The following HTR2C variants were observed in gnomAD, a reference collection of about 807,000 sequenced individuals.
HTR2C encodes the protein 5-hydroxytryptamine receptor 2C.
HTR2C carries 5 observed loss-of-function variants against 21.0 expected under a neutral mutation model. That is an observed-to-expected ratio of 0.24 (90% CI 0.12 to 0.50). The LOEUF is 0.50. Ranked by LOEUF, HTR2C falls within the 20% of genes least tolerant of loss-of-function variation. The probability of loss-of-function intolerance (pLI) is 0.98; values close to 1 mark genes in which losing one functional copy is unlikely to be tolerated. For synonymous variants in HTR2C, 150 were observed against 145.3 expected, an observed-to-expected ratio of 1.03 and a Z score of -0.23; for missense variants, 271 against 371.2, an observed-to-expected ratio of 0.73 and a Z score of 2.22.
chrX:114,807,696 C>T (rs983086451), intron 4 of HTR2C, among the ~76,000 whole-genome samples: 17 of 105,250 alleles, frequency 1.6e-4, no homozygotes, highest in East Asian at 9.0e-4. Flanking sequence ...TTTTTTGAGA[C>T]GGAGTCTCAC....
chrX:114,741,468 A>G (rs1250670053), intron 4 of HTR2C, among the ~76,000 whole-genome samples: 1 of 91,216 alleles, frequency 1.1e-5, no homozygotes, highest in Non-Finnish European at 2.1e-5. Context: ...GTGAGCCAAG[A>G]GCTGAGATTG....
At chrX:114,711,748 T>G (rs782467341) in intron 2 of HTR2C, among the ~76,000 whole-genome samples, 74 of 112,107 alleles carry the variant, frequency 6.6e-4, no homozygotes, top group African/African-American at 2.2e-3. Context: ...CTCTTTGAAC[T>G]TCACTATTTC....
At chrX:114,733,261 T>A (rs2069554053) in intron 4 of HTR2C, among the ~76,000 whole-genome samples, 1 of 109,305 alleles carries the variant, frequency 9.1e-6, no homozygotes, top group Admixed American at 9.8e-5. Context: ...TACAAAAAAA[T>A]TAGCCGGGCG....
At chrX:114,800,734 T>C (rs1280414330) in intron 4 of HTR2C, among the ~76,000 whole-genome samples, 1 of 111,528 alleles carries the variant, frequency 9.0e-6, no homozygotes, top group Non-Finnish European at 1.9e-5. Context: ...TACAGTGTGG[T>C]CCTCGCCTTT....
intron 4 of HTR2C, among the ~76,000 whole-genome samples, chrX:114,749,338 C>T (rs189995473): frequency 2.1e-4 from 22 of 105,324 alleles, no homozygotes; most frequent in African/African-American, 7.3e-4. Context: ...GTCCCAGCTA[C>T]TTGGAGGCTG....
At chrX:114,814,900 TATATAGTATATATC>T (rs1205312860) in intron 4 of HTR2C, among the ~76,000 whole-genome samples, 22 of 102,385 alleles carry the variant, frequency 2.1e-4, no homozygotes, top group South Asian at 7.7e-4. Context: ...ATTATAATAT[TATATAGTATATATC>T]ATATAGTATA....
intron 1 of HTR2C, among the ~76,000 whole-genome samples, chrX:114,604,269 A>G (rs1474790194): frequency 9.1e-6 from 1 of 110,177 alleles, no homozygotes; most frequent in African/African-American, 3.3e-5. Context: ...AAAGTGTCTC[A>G]GCCTAATAAG....
chrX:114,709,070 A>G (rs782763132), intron 2 of HTR2C, among the ~76,000 whole-genome samples: 2 of 112,040 alleles, frequency 1.8e-5, no homozygotes, highest in Non-Finnish European at 3.8e-5. Flanking sequence ...TCCTATTATT[A>G]GGGTGCACCC....
chrX:114,708,796 G>C (rs1932848437), intron 2 of HTR2C, among the ~76,000 whole-genome samples: 1 of 61,283 alleles, frequency 1.6e-5, no homozygotes, highest in Admixed American at 2.5e-4. Flanking sequence ...GACAGAGGGA[G>C]ATACTACATT....
intron 2 of HTR2C, among the ~76,000 whole-genome samples, chrX:114,698,191 G>A (rs1932337316): frequency 1.8e-5 from 2 of 112,060 alleles, no homozygotes; most frequent in East Asian, 2.8e-4. Flanking sequence ...TTATAAGCCA[G>A]AGAACATTAT....
chrX:114,722,669 ATTATT>A (rs1461433204), intron 2 of HTR2C, among the ~76,000 whole-genome samples: 1 of 104,298 alleles, frequency 9.6e-6, no homozygotes, highest in African/African-American at 3.4e-5. Flanking sequence ...GATAGCTCTT[ATTATT>A]TTGAGATACA....
intron 2 of HTR2C, among the ~76,000 whole-genome samples, chrX:114,710,356 T>C (rs782640068): frequency 1.8e-5 from 2 of 111,532 alleles, no homozygotes; most frequent in South Asian, 7.6e-4. Context: ...GACATAGAGA[T>C]TGACAGGTAC....
At chrX:114,793,233 CTTG>C (rs1556444159) in intron 4 of HTR2C, among the ~76,000 whole-genome samples, 2 of 111,224 alleles carry the variant, frequency 1.8e-5, no homozygotes, top group African/African-American at 6.5e-5. Context: ...TAAAGATCAT[CTTG>C]TTATTGTTTT....
At chrX:114,776,097 C>T in intron 4 of HTR2C, 1 of 476,386 alleles carries the variant, frequency 2.1e-6, no homozygotes, top group Non-Finnish European at 3.7e-6. Context: ...TCTTCTTCAC[C>T]CAAGTGGATG....
intron 2 of HTR2C, among the ~76,000 whole-genome samples, chrX:114,726,000 C>T (rs1556421834): frequency 9.0e-6 from 1 of 110,935 alleles, no homozygotes. Flanking sequence ...GAGGTGGAGC[C>T]TACAGAGGCA....
intron 2 of HTR2C, among the ~76,000 whole-genome samples, chrX:114,700,989 T>G (rs782728067): frequency 8.9e-6 from 1 of 111,911 alleles, no homozygotes; most frequent in Admixed American, 9.4e-5. Context: ...AACTGCAAGG[T>G]GGCAGCGAGG....
At chrX:114,660,702 A>C (rs1221042668) in intron 2 of HTR2C, among the ~76,000 whole-genome samples, 1 of 112,337 alleles carries the variant, frequency 8.9e-6, no homozygotes, top group Non-Finnish European at 1.9e-5. Flanking sequence ...CTTATAATAG[A>C]TTTGAAGTAC....
intron 5 of HTR2C, among the ~76,000 whole-genome samples, chrX:114,868,127 C>G (rs782283661): frequency 3.6e-5 from 4 of 109,965 alleles, no homozygotes; most frequent in Non-Finnish European, 5.7e-5. Flanking sequence ...ATTGATTTTT[C>G]CAATCCATGA....
chrX:114,767,360 G>T (rs781966730), intron 4 of HTR2C, among the ~76,000 whole-genome samples: 3 of 110,981 alleles, frequency 2.7e-5, no homozygotes, highest in African/African-American at 9.8e-5. Context: ...CCAAAAGCTT[G>T]CACTGGCTAA....
Sources: allele counts gnomAD v4.1 joint callset (sites outside exome capture counted in the v4.1 genomes callset), GRCh38; gene constraint gnomAD v4.1.1; transcripts MANE v1.5; gene names NCBI Gene and HGNC (gene_info 2026-07-23, HGNC 2026-07-21).